GABRR3: variants seen among roughly 807,000 people sequenced by gnomAD.
GABRR3 encodes the protein gamma-aminobutyric acid receptor subunit rho-3.
GABRR3 carries 29 observed loss-of-function variants against 43.2 expected under a neutral mutation model. The observed-to-expected ratio is 0.67, with a 90% CI of 0.50 to 0.92. The LOEUF (loss-of-function observed/expected upper bound fraction) is 0.92, where lower values mean the gene tolerates loss of function less well. Ranked by LOEUF, GABRR3 falls within the 40% of genes least tolerant of loss-of-function variation. The pLI, the probability that GABRR3 is intolerant of heterozygous loss-of-function variation, is 0.00. For missense variants in GABRR3, 576 were observed against 572.3 expected, an observed-to-expected ratio of 1.01 and a Z score of -0.07; for synonymous variants, 206 against 195.9, an observed-to-expected ratio of 1.05 and a Z score of -0.43.
intron 3 of GABRR3, among the ~76,000 whole-genome samples, chr3:98,022,458 T>C (rs1055497257): frequency 3.3e-5 from 5 of 152,182 alleles, no homozygotes; most frequent in East Asian, 1.9e-4. Context: ...AGGGAAAAAG[T>C]ATGTGCGTGT....
chr3:98,012,649 T>A, intron 4 of GABRR3, 82 bp from the exon 5 acceptor site: 1 of 903,552 alleles, frequency 1.1e-6, no homozygotes, highest in Non-Finnish European at 1.8e-6. Flanking sequence ...GTCCCAGGAC[T>A]CATTCCTATG....
rs552554123 is a variant in GABRR3, at chr3:98,003,355, T to C, written c.755-1588A>G. 7.3e-5 allele frequency among the ~76,000 whole-genome samples: 11 copies of C among 151,160 alleles called. No individual in the cohort carries two copies. In the East Asian group the frequency reaches 1.2e-3, roughly 16 times the overall value. The stretch of plus-strand genomic sequence containing the variant: ...TATAGTTTTCTGTTCATTATTAACT[T>C]GAAATAAAATTAGTTAACTGCATCC... On this transcript the variant is annotated intron_variant, in intron 7 of 9. Coordinates refer to ENST00000621172, the Ensembl canonical transcript of GABRR3.
At chr3:98,007,855 C>T (rs1213869741) in exon 7 of GABRR3, 1 of 1,607,936 alleles carries the variant, frequency 6.2e-7, no homozygotes, top group African/African-American at 1.3e-5. Context: ...TATTTAAGGA[C>T]TTGTTTCCGT....
At chr3:98,012,753 A>G (rs978371485) in intron 4 of GABRR3, among the ~76,000 whole-genome samples, 186 bp from the exon 5 acceptor site, 1 of 152,182 alleles carries the variant, frequency 6.6e-6, no homozygotes, top group African/African-American at 2.4e-5. Flanking sequence ...TCTCCTTCAC[A>G]TGGAGCCTAG....
chr3:97,993,963 T>C (rs1706504722), intron 8 of GABRR3, among the ~76,000 whole-genome samples: 2 of 152,218 alleles, frequency 1.3e-5, no homozygotes, highest in African/African-American at 2.4e-5. Flanking sequence ...CCATTCAATG[T>C]CTACACTAAT....
intron 3 of GABRR3, among the ~76,000 whole-genome samples, chr3:98,020,128 G>A (rs572707268): frequency 9.2e-5 from 14 of 152,242 alleles, no homozygotes; most frequent in African/African-American, 2.4e-4. Flanking sequence ...AGGTCTTGGA[G>A]GAGCGGCAGA....
At position 98,034,828 on chromosome 3, in the gene GABRR3, C is replaced by G. The variant is rs375217741; in HGVS notation, c.125+35G>C. 58 of 1,608,576 alleles carry G rather than the reference C, an allele frequency of 3.6e-5. No individual in the cohort carries two copies. The African/African-American group carries it at 7.1e-4, about 20-fold the overall frequency. On this transcript the variant is annotated intron_variant, in intron 2 of 9. Transcript: ENST00000621172. The stretch of plus-strand genomic sequence containing the variant: ...GAGACAACTGTTGAGAGAAACTGGG[C>G]AGTAATTCCATGGACTGCACTATGA...
chr3:98,022,279 A>G (rs762053908), intron 3 of GABRR3, among the ~76,000 whole-genome samples: 2 of 152,236 alleles, frequency 1.3e-5, no homozygotes, highest in Non-Finnish European at 2.9e-5. Flanking sequence ...AAGTTAAACA[A>G]AAAGCTCCCC....
intron 2 of GABRR3, among the ~76,000 whole-genome samples, chr3:98,026,637 C>CATCATCATCATCATCATG (rs1707022346): frequency 6.6e-6 from 1 of 152,062 alleles, no homozygotes; most frequent in Non-Finnish European, 1.5e-5. Flanking sequence ...TCATCATCAT[C>CATCATCATCATCATCATG]ATCATCATCA....
At chr3:98,005,400 A>G (rs1706712708) in intron 7 of GABRR3, among the ~76,000 whole-genome samples, 1 of 152,196 alleles carries the variant, frequency 6.6e-6, no homozygotes, top group Admixed American at 6.5e-5. Flanking sequence ...CATGTTACAC[A>G]AAGCATGTAC....
intron 5 of GABRR3, among the ~76,000 whole-genome samples, chr3:98,011,015 G>A (rs1338947950): frequency 3.3e-5 from 5 of 152,214 alleles, no homozygotes; most frequent in Admixed American, 2.0e-4. Context: ...CAGGAGAATC[G>A]CTTGAACCCA....
At chr3:98,000,103 A>C (rs1706617468) in intron 8 of GABRR3, 1 of 152,116 alleles carries the variant, frequency 6.6e-6, no homozygotes, top group Non-Finnish European at 1.5e-5. Flanking sequence ...CTCTTAAAAT[A>C]ATTTTTTTAA....
chr3:98,012,391 A>G (rs768443429), exon 5 of GABRR3: 2 of 1,613,998 alleles, frequency 1.2e-6, no homozygotes, highest in East Asian at 2.2e-5. Flanking sequence ...GCAGCATGAT[A>G]TTCTCCATAG....
intron 5 of GABRR3, among the ~76,000 whole-genome samples, chr3:98,010,237 G>A (rs1043491173): frequency 6.6e-6 from 1 of 152,336 alleles, no homozygotes; most frequent in African/African-American, 2.4e-5. Context: ...AAGAGGCACA[G>A]GGCAGAGTCC....
At chr3:98,012,214 T>G in intron 5 of GABRR3, 130 bp downstream of exon 5, 1 of 678,454 alleles carries the variant, frequency 1.5e-6, no homozygotes, top group Non-Finnish European at 2.5e-6. Context: ...CATCTTATGC[T>G]TGTGTCCCAA....
At chr3:98,024,080 G>A (rs832039) in intron 3 of GABRR3, among the ~76,000 whole-genome samples, 75,040 of 152,052 alleles carry the variant, frequency 0.49, 18,585 homozygotes, top group East Asian at 0.55. Flanking sequence ...AGAATTGGCC[G>A]GGTGTGGTGG....
At chr3:98,001,491 G>A (rs1237125032) in intron 8 of GABRR3, 124 bp downstream of exon 8, 1 of 994,176 alleles carries the variant, frequency 1.0e-6, no homozygotes, top group Admixed American at 2.6e-5. Context: ...CAACCTGGAT[G>A]TTCATCTCTG....
chr3:98,005,892 G>C (rs535051056), intron 7 of GABRR3, among the ~76,000 whole-genome samples: 8 of 151,846 alleles, frequency 5.3e-5, no homozygotes, highest in African/African-American at 1.9e-4. Flanking sequence ...ATTAAATGTT[G>C]CAAATATCTA....
intron 8 of GABRR3, among the ~76,000 whole-genome samples, chr3:97,996,601 T>C (rs973530240): frequency 6.6e-6 from 1 of 152,020 alleles, no homozygotes; most frequent in Admixed American, 6.6e-5. Flanking sequence ...GCATACCTCA[T>C]GTAGAGGGAT....
Sources: gnomAD v4.1 joint callset for allele counts (sites outside exome capture counted in the v4.1 genomes callset) on GRCh38, gnomAD v4.1.1 for gene constraint, MANE v1.5 for transcripts, NCBI Gene and HGNC (gene_info 2026-07-23, HGNC 2026-07-21) for gene names.